Variants in ARHGAP15 observed in about 807,000 individuals in gnomAD.
ARHGAP15 encodes the protein rho GTPase-activating protein 15.
Under a neutral mutation model 63.7 loss-of-function variants are expected in ARHGAP15, and 51 were observed. The observed-to-expected ratio is 0.80, with a 90% CI of 0.64 to 1.01. The LOEUF (loss-of-function observed/expected upper bound fraction) is 1.01, where lower values mean the gene tolerates loss of function less well. ARHGAP15 is among the 50% of genes least tolerant of loss of function. ARHGAP15 has a pLI of 0.00. For missense variants in ARHGAP15, 560 were observed against 564.6 expected (o/e 0.99, Z 0.08); for synonymous variants, 191 against 193.8 (o/e 0.99, Z 0.12).
At chr2:143,513,414 C>T (rs12472835) in intron 9 of ARHGAP15, among the ~76,000 whole-genome samples, 71,704 of 151,838 alleles carry the variant, frequency 0.47, 17,259 homozygotes, top group East Asian at 0.78. Context: ...TCAAAATCCT[C>T]TTCCAGGTCT....
At chr2:143,536,943 C>T (rs1185753198) in intron 10 of ARHGAP15, among the ~76,000 whole-genome samples, 1 of 152,140 alleles carries the variant, frequency 6.6e-6, no homozygotes, top group Non-Finnish European at 1.5e-5. Flanking sequence ...CCTGAGGAAT[C>T]ACCACACCGA....
At chr2:143,223,899 T>C (rs1378355867) in intron 4 of ARHGAP15, among the ~76,000 whole-genome samples, 1 of 152,206 alleles carries the variant, frequency 6.6e-6, no homozygotes, top group Non-Finnish European at 1.5e-5. Flanking sequence ...TCTTCTGTAA[T>C]ATGGGAGTAT....
chr2:143,183,442 C>T (rs796290381), intron 2 of ARHGAP15, among the ~76,000 whole-genome samples: 1 of 152,094 alleles, frequency 6.6e-6, no homozygotes, highest in East Asian at 1.9e-4. Context: ...GTGGGAACAA[C>T]AATCAATCAG....
At chr2:143,304,993 TA>T (rs1574243509) in intron 6 of ARHGAP15, among the ~76,000 whole-genome samples, 2 of 152,210 alleles carry the variant, frequency 1.3e-5, no homozygotes, top group East Asian at 3.9e-4. Flanking sequence ...CCCAAAGGAT[TA>T]TAAATCATTC....
intron 2 of ARHGAP15, among the ~76,000 whole-genome samples, chr2:143,187,515 A>G (rs1192967247): frequency 6.6e-6 from 1 of 152,202 alleles, no homozygotes; most frequent in Admixed American, 6.5e-5. Context: ...TCACTTCAGA[A>G]GTATTAATCC....
At chr2:143,735,752 G>C (rs567736380) in intron 13 of ARHGAP15, among the ~76,000 whole-genome samples, 20 of 151,608 alleles carry the variant, frequency 1.3e-4, no homozygotes, top group East Asian at 9.7e-4. Context: ...AGAATGACTA[G>C]AAGTCAAAAA....
chr2:143,626,922 T>C (rs1173615263), intron 12 of ARHGAP15, among the ~76,000 whole-genome samples: 1 of 152,068 alleles, frequency 6.6e-6, no homozygotes, highest in Non-Finnish European at 1.5e-5. Context: ...TATTAAGAGA[T>C]GGGGGGGCTT....
chr2:143,675,446 G>A (rs954886619), intron 12 of ARHGAP15, among the ~76,000 whole-genome samples: 9 of 152,048 alleles, frequency 5.9e-5, no homozygotes, highest in South Asian at 2.1e-4. Context: ...AATTTACTTC[G>A]CCCACATTCA....
chr2:143,534,627 C>T (rs1483469554), intron 10 of ARHGAP15, among the ~76,000 whole-genome samples: 3 of 151,990 alleles, frequency 2.0e-5, no homozygotes, highest in Non-Finnish European at 4.4e-5. Flanking sequence ...GCCTACAATC[C>T]CAGCACTTTG....
chr2:143,130,774 AAT>A, intron 1 of ARHGAP15, among the ~76,000 whole-genome samples: 1 of 152,238 alleles, frequency 6.6e-6, no homozygotes, highest in East Asian at 1.9e-4. Context: ...AGACCCTGGT[AAT>A]ATATATTTGC....
At chr2:143,665,951 C>T (rs1682148176) in intron 12 of ARHGAP15, among the ~76,000 whole-genome samples, 1 of 145,530 alleles carries the variant, frequency 6.9e-6, no homozygotes, top group South Asian at 2.3e-4. Context: ...ATTCCATGCT[C>T]ATGGGTAGGA....
chr2:143,223,612 G>A (rs1327190941), intron 4 of ARHGAP15, among the ~76,000 whole-genome samples: 13 of 152,142 alleles, frequency 8.5e-5, no homozygotes, highest in African/African-American at 2.2e-4. Flanking sequence ...TAAAGGGCTC[G>A]CAGTTCAGCA....
intron 13 of ARHGAP15, among the ~76,000 whole-genome samples, chr2:143,723,512 T>C (rs1432351986): frequency 6.6e-6 from 1 of 152,168 alleles, no homozygotes; most frequent in South Asian, 2.1e-4. Context: ...GTATTTTTGA[T>C]ATGAATCTCC....
chr2:143,684,389 C>T (rs1683234554), intron 12 of ARHGAP15, among the ~76,000 whole-genome samples: 1 of 152,004 alleles, frequency 6.6e-6, no homozygotes, highest in Non-Finnish European at 1.5e-5. Flanking sequence ...TTTAGTGGTT[C>T]TTTTTAGTTT....
At chr2:143,257,678 C>G (rs970538317) in intron 6 of ARHGAP15, among the ~76,000 whole-genome samples, 2 of 152,066 alleles carry the variant, frequency 1.3e-5, no homozygotes, top group Middle Eastern at 3.2e-3. Flanking sequence ...CTATGCCATC[C>G]ATGGGCTCCT....
chr2:143,225,949 T>C (rs1693197134), intron 4 of ARHGAP15, among the ~76,000 whole-genome samples: 1 of 152,222 alleles, frequency 6.6e-6, no homozygotes, highest in Middle Eastern at 3.2e-3. Flanking sequence ...CGTTTTGAAA[T>C]GAAATTCTTT....
chr2:143,422,099 A>G (rs1222710855), intron 6 of ARHGAP15, among the ~76,000 whole-genome samples: 1 of 152,110 alleles, frequency 6.6e-6, no homozygotes, highest in Non-Finnish European at 1.5e-5. Context: ...AGTCTCATCT[A>G]ATTAAGCCAC....
At chr2:143,717,898 G>A (rs1684880478) in intron 13 of ARHGAP15, among the ~76,000 whole-genome samples, 1 of 151,260 alleles carries the variant, frequency 6.6e-6, no homozygotes, top group East Asian at 1.9e-4. Context: ...TAATTGTGAA[G>A]GATCTTCTGG....
At chr2:143,348,735 G>A (rs1401616786) in intron 6 of ARHGAP15, among the ~76,000 whole-genome samples, 1 of 152,102 alleles carries the variant, frequency 6.6e-6, no homozygotes, top group Non-Finnish European at 1.5e-5. Context: ...TGAATTATTT[G>A]TGATTTTAAA....
Sources: allele counts gnomAD v4.1 joint callset (sites outside exome capture counted in the v4.1 genomes callset), GRCh38; gene constraint gnomAD v4.1.1; transcripts MANE v1.5; gene names NCBI Gene and HGNC (gene_info 2026-07-23, HGNC 2026-07-21).